The following RAB9A variants were observed in gnomAD, a reference collection of about 807,000 sequenced individuals.
RAB9A encodes the protein ras-related protein Rab-9A.
A neutral mutation model predicts 10.3 loss-of-function variants in RAB9A; 1 was observed. That is an observed-to-expected ratio of 0.10 (90% CI 0.03 to 0.46). The LOEUF (loss-of-function observed/expected upper bound fraction) is 0.46, where lower values mean the gene tolerates loss of function less well. Ranked by LOEUF, RAB9A falls within the 20% of genes least tolerant of loss-of-function variation. The probability of loss-of-function intolerance (pLI) is 0.96; values close to 1 mark genes in which losing one functional copy is unlikely to be tolerated. For missense variants in RAB9A, 92 were observed against 150.3 expected (o/e 0.61, Z 2.03); for synonymous variants, 39 against 55.2 (o/e 0.71, Z 1.30).
intron 2 of RAB9A, among the ~76,000 whole-genome samples, chrX:13,705,446 A>T (rs958690909): frequency 1.8e-5 from 2 of 112,041 alleles, no homozygotes; most frequent in Non-Finnish European, 3.8e-5. Flanking sequence ...AGAATGAGAC[A>T]AACTAAGAAG....
At chrX:13,691,001 A>G (rs2046119550) in intron 1 of RAB9A, among the ~76,000 whole-genome samples, 1 of 111,550 alleles carries the variant, frequency 9.0e-6, no homozygotes, top group East Asian at 2.8e-4. Context: ...CAATGCCTGG[A>G]GGCATCTTTG....
At chrX:13,695,812 G>C (rs1310541049) in intron 1 of RAB9A, among the ~76,000 whole-genome samples, 2 of 111,522 alleles carry the variant, frequency 1.8e-5, no homozygotes, top group Non-Finnish European at 3.8e-5. Flanking sequence ...CTGGAAACAG[G>C]TAAGGGTTTC....
chrX:13,694,773 G>A (rs1375394326), intron 1 of RAB9A, among the ~76,000 whole-genome samples: 2 of 111,698 alleles, frequency 1.8e-5, no homozygotes, highest in East Asian at 2.8e-4. Context: ...AGGAGAAAAG[G>A]CATCAAAGTC....
intron 1 of RAB9A, among the ~76,000 whole-genome samples, chrX:13,691,736 A>C (rs911302711): frequency 1.8e-5 from 2 of 110,145 alleles, no homozygotes; most frequent in Non-Finnish European, 3.8e-5. Flanking sequence ...GTAAGGCAAA[A>C]ATGACAAAAA....
intron 1 of RAB9A, among the ~76,000 whole-genome samples, chrX:13,699,081 T>A (rs2046161106): frequency 8.9e-6 from 1 of 111,916 alleles, no homozygotes; most frequent in Non-Finnish European, 1.9e-5. Context: ...GAAGGCAGTT[T>A]ACAAATGATG....
At chrX:13,698,190 C>CTTTTTTTTTTTT (rs67802719) in intron 1 of RAB9A, among the ~76,000 whole-genome samples, 7 of 38,347 alleles carry the variant, frequency 1.8e-4, no homozygotes, top group African/African-American at 5.5e-4. Context: ...TCTTTTTTTT[C>CTTTTTTTTTTTT]TTTTTTTTTT....
chrX:13,697,939 A>G (rs1331626820), intron 1 of RAB9A, among the ~76,000 whole-genome samples: 1 of 111,751 alleles, frequency 8.9e-6, no homozygotes, highest in Non-Finnish European at 1.9e-5. Flanking sequence ...GCACTGTCCA[A>G]CACAGTTCCC....
chrX:13,708,589 AAAC>A (rs946410467), intron 2 of RAB9A, 129 bp from the exon 3 acceptor site: 20 of 569,752 alleles, frequency 3.5e-5, no homozygotes, highest in Middle Eastern at 3.6e-4. Flanking sequence ...AGTGCTCAGT[AAAC>A]AACAAGTCTT....
intron 1 of RAB9A, among the ~76,000 whole-genome samples, chrX:13,702,164 G>A (rs889980992): frequency 2.7e-5 from 3 of 111,620 alleles, no homozygotes; most frequent in Non-Finnish European, 3.8e-5. Context: ...GGGTGCTCAG[G>A]CCTACCTTGA....
At chrX:13,696,631 G>A (rs7066678) in intron 1 of RAB9A, among the ~76,000 whole-genome samples, 33,992 of 111,100 alleles carry the variant, frequency 0.31, 3,888 homozygotes, top group South Asian at 0.49. Context: ...TGTATGTGCC[G>A]TAGGGCATTC....
At chrX:13,689,466 G>T (rs1027087158) in intron 1 of RAB9A, among the ~76,000 whole-genome samples, 178 bp downstream of exon 1, 2 of 112,092 alleles carry the variant, frequency 1.8e-5, no homozygotes, top group Non-Finnish European at 3.8e-5. Flanking sequence ...CCTCTCTGAC[G>T]CAGGAGGAAA....
chrX:13,690,005 C>T (rs2046113258), intron 1 of RAB9A, among the ~76,000 whole-genome samples: 2 of 103,477 alleles, frequency 1.9e-5, no homozygotes, highest in African/African-American at 7.2e-5. Flanking sequence ...CATCTCGTGA[C>T]TACAGTTCTT....
At chrX:13,691,707 G>A (rs1165310423) in intron 1 of RAB9A, among the ~76,000 whole-genome samples, 1 of 98,673 alleles carries the variant, frequency 1.0e-5, no homozygotes, top group Non-Finnish European at 2.0e-5. Context: ...ATTTCTGGTA[G>A]CAGAATCTGT....
intron 1 of RAB9A, among the ~76,000 whole-genome samples, chrX:13,692,538 T>C (rs746624371): frequency 3.6e-5 from 4 of 111,718 alleles, no homozygotes; most frequent in East Asian, 5.6e-4. Flanking sequence ...CAAATAGTTA[T>C]GCCTGCATTT....
At chrX:13,693,422 C>T (rs925366577) in intron 1 of RAB9A, among the ~76,000 whole-genome samples, 6 of 111,683 alleles carry the variant, frequency 5.4e-5, no homozygotes, top group South Asian at 3.7e-4. Flanking sequence ...AATTGGAAGG[C>T]GAGGATGCCT....
chrX:13,704,847 TG>T (rs759582316), intron 2 of RAB9A, among the ~76,000 whole-genome samples: 37 of 111,534 alleles, frequency 3.3e-4, no homozygotes, highest in Non-Finnish European at 3.8e-4. Flanking sequence ...CTCGAACTCC[TG>T]ACCTCAAGTG....
chrX:13,689,361 G>C (rs1053080512), intron 1 of RAB9A, 73 bp downstream of exon 1: 1 of 112,634 alleles, frequency 8.9e-6, no homozygotes, highest in African/African-American at 3.2e-5. Context: ...GGCGGCTCGG[G>C]CCTCGGGCAG....
chrX:13,699,985 C>T (rs112346655), intron 1 of RAB9A, among the ~76,000 whole-genome samples: 4 of 111,491 alleles, frequency 3.6e-5, no homozygotes, highest in Non-Finnish European at 7.5e-5. Context: ...GACAGAGTCT[C>T]ACTCTGTCAC....
intron 1 of RAB9A, among the ~76,000 whole-genome samples, chrX:13,690,597 C>G (rs917003861): frequency 9.0e-6 from 1 of 111,663 alleles, no homozygotes; most frequent in African/African-American, 3.3e-5. Flanking sequence ...TCCAACCTCT[C>G]TCATCTCTTT....
Sources: allele counts gnomAD v4.1 joint callset (sites outside exome capture counted in the v4.1 genomes callset), GRCh38; gene constraint gnomAD v4.1.1; transcripts MANE v1.5; gene names NCBI Gene and HGNC (gene_info 2026-07-23, HGNC 2026-07-21).